The following EYA2 variants were observed in gnomAD, a reference collection of about 807,000 sequenced individuals.
EYA2 encodes the protein EYA transcriptional coactivator and phosphatase 2, also known as protein phosphatase EYA2.
Under a neutral mutation model 69.2 loss-of-function variants are expected in EYA2, and 31 were observed. That is an observed-to-expected ratio of 0.45 (90% confidence interval 0.34 to 0.60). EYA2 has a LOEUF of 0.60. Among genes scored for constraint, EYA2 ranks in the 20% least tolerant of loss-of-function variants. EYA2 has a pLI of 0.02. For missense variants in EYA2, 622 were observed against 701.2 expected (o/e 0.89, Z 1.28); for synonymous variants, 257 against 279.4 (o/e 0.92, Z 0.80).
At chr20:47,142,613 G>A (rs1242337334) in intron 9 of EYA2, among the ~76,000 whole-genome samples, 2 of 152,216 alleles carry the variant, frequency 1.3e-5, no homozygotes, top group Non-Finnish European at 2.9e-5. Flanking sequence ...TGCCTAGAGA[G>A]ATTGTTGGAG....
chr20:47,130,408 G>T (rs1246115767), intron 9 of EYA2, among the ~76,000 whole-genome samples: 1 of 150,510 alleles, frequency 6.6e-6, no homozygotes, highest in African/African-American at 2.5e-5. Flanking sequence ...GGGACTACAG[G>T]CGCCCGCCAT....
intron 7 of EYA2, among the ~76,000 whole-genome samples, chr20:47,079,564 G>A (rs754319752): frequency 1.3e-5 from 2 of 152,030 alleles, no homozygotes; most frequent in South Asian, 2.1e-4. Flanking sequence ...TCCCCATCTC[G>A]AAGTCCTTAA....
intron 9 of EYA2, among the ~76,000 whole-genome samples, chr20:47,106,796 C>T (rs1475236610): frequency 2.0e-5 from 3 of 152,104 alleles, no homozygotes; most frequent in Non-Finnish European, 2.9e-5. Context: ...CAGTGCCACT[C>T]GCTCAGCATC....
intron 5 of EYA2, among the ~76,000 whole-genome samples, chr20:47,035,851 AAAAG>A (rs1460125911): frequency 1.3e-5 from 2 of 151,936 alleles, no homozygotes; most frequent in South Asian, 2.1e-4. Context: ...CTGAAAAAAA[AAAAG>A]AAAAAGGGGG....
intron 10 of EYA2, among the ~76,000 whole-genome samples, chr20:47,163,569 A>C (rs1327172175): frequency 6.6e-6 from 1 of 151,876 alleles, no homozygotes; most frequent in Non-Finnish European, 1.5e-5. Context: ...GTGGTGGTGC[A>C]TGCCTGTAAT....
At chr20:47,176,634 G>T (rs1415116883) in intron 12 of EYA2, among the ~76,000 whole-genome samples, 2 of 152,138 alleles carry the variant, frequency 1.3e-5, no homozygotes, top group African/African-American at 4.8e-5. Context: ...ACATTCAACT[G>T]CATAAGTAAA....
chr20:47,089,432 G>T (rs1455737179), intron 8 of EYA2, 51 bp downstream of exon 8: 1 of 1,563,794 alleles, frequency 6.4e-7, no homozygotes, highest in African/African-American at 1.4e-5. Flanking sequence ...TCCATCTGAG[G>T]CCCAAACAAG....
chr20:47,008,319 G>A (rs1304840551), intron 4 of EYA2, among the ~76,000 whole-genome samples: 1 of 152,210 alleles, frequency 6.6e-6, no homozygotes, highest in Non-Finnish European at 1.5e-5. Context: ...CCAGCTGGTT[G>A]GTGGCAGAGG....
intron 12 of EYA2, among the ~76,000 whole-genome samples, chr20:47,173,931 C>T (rs1056005688): frequency 1.2e-4 from 19 of 152,192 alleles, no homozygotes; most frequent in Non-Finnish European, 2.2e-4. Flanking sequence ...AGAGACCCGC[C>T]CCCTGGCTTC....
At chr20:46,895,039 G>A (rs1026864406) in intron 1 of EYA2, 52 bp downstream of exon 1, 2 of 151,980 alleles carry the variant, frequency 1.3e-5, no homozygotes, top group African/African-American at 2.4e-5. Context: ...GATTCGCCGG[G>A]CGGGGGGAGT....
intron 1 of EYA2, among the ~76,000 whole-genome samples, chr20:46,986,365 TTA>T (rs1009789620): frequency 2.1e-5 from 2 of 95,072 alleles, no homozygotes; most frequent in Admixed American, 1.0e-4. Context: ...ATTAGATATA[TTA>T]TATATTATGT....
chr20:47,153,795 A>G (rs916265304), intron 10 of EYA2, among the ~76,000 whole-genome samples: 1 of 151,940 alleles, frequency 6.6e-6, no homozygotes, highest in Admixed American at 6.5e-5. Context: ...AAGGAATGGG[A>G]TACTATTTGG....
At chr20:47,117,731 G>A in intron 9 of EYA2, 1 of 979,368 alleles carries the variant, frequency 1.0e-6, no homozygotes, top group Non-Finnish European at 1.2e-6. Flanking sequence ...AATCAAAAGT[G>A]CCCTCTCTCG....
At chr20:46,965,038 G>A (rs1013622237) in intron 1 of EYA2, among the ~76,000 whole-genome samples, 5 of 152,176 alleles carry the variant, frequency 3.3e-5, no homozygotes, top group Non-Finnish European at 2.9e-5. Flanking sequence ...TCAAATTCAC[G>A]TAACTTGTGA....
At chr20:47,119,929 C>T (rs978216576) in intron 9 of EYA2, among the ~76,000 whole-genome samples, 7 of 151,846 alleles carry the variant, frequency 4.6e-5, no homozygotes, top group African/African-American at 1.5e-4. Context: ...TAAAATAGGC[C>T]GGGCACAGTG....
chr20:46,996,182 CACAT>C lies in EYA2; in HGVS notation c.110-5242_110-5239del, dbSNP rs559836192. ...GGGTAAGTTGCTTCACACAGTCACTCACATACACAATTGCACATAAGTATGCACT... is the reference window on the plus strand; with the variant it reads ...GGGTAAGTTGCTTCACACAGTCACTCACACAATTGCACATAAGTATGCACT... On this transcript the variant is annotated intron_variant, in intron 2 of 15. Coordinates refer to ENST00000327619, the MANE Select transcript of EYA2 (RefSeq NM_005244.5). Among the ~76,000 whole-genome samples, 7 of 152,192 alleles carry C rather than the reference CACAT, an allele frequency of 4.6e-5. No individual in the cohort carries two copies. In the South Asian group the frequency reaches 1.5e-3, roughly 32 times the overall value.
intron 1 of EYA2, among the ~76,000 whole-genome samples, chr20:46,987,030 AGT>A (rs939030671): frequency 2.6e-5 from 4 of 152,202 alleles, no homozygotes; most frequent in Admixed American, 2.0e-4. Flanking sequence ...AAAATTATTA[AGT>A]GTTTCAGGCA....
intron 4 of EYA2, among the ~76,000 whole-genome samples, chr20:47,014,286 A>G (rs1983266464): frequency 6.6e-6 from 1 of 152,170 alleles, no homozygotes; most frequent in African/African-American, 2.4e-5. Flanking sequence ...TTACCTTACT[A>G]AGCATTCTCT....
At chr20:47,014,137 A>T (rs1983256009) in intron 4 of EYA2, among the ~76,000 whole-genome samples, 1 of 152,030 alleles carries the variant, frequency 6.6e-6, no homozygotes, top group Non-Finnish European at 1.5e-5. Context: ...TCTTACTTTA[A>T]TTTCCTAACA....
Sources: allele counts gnomAD v4.1 joint callset (sites outside exome capture counted in the v4.1 genomes callset), GRCh38; gene constraint gnomAD v4.1.1; transcripts MANE v1.5; gene names NCBI Gene and HGNC (gene_info 2026-07-23, HGNC 2026-07-21).